Variants in LARGE1 observed in about 807,000 individuals in gnomAD.
LARGE1 encodes the protein xylosyl- and glucuronyltransferase LARGE1.
LARGE1 carries 43 observed loss-of-function variants against 87.6 expected under a neutral mutation model. That is an observed-to-expected ratio of 0.49 (90% CI 0.38 to 0.63). LARGE1 has a LOEUF of 0.63. Ranked by LOEUF, LARGE1 falls within the 30% of genes least tolerant of loss-of-function variation. LARGE1 has a pLI of 0.00. For missense variants in LARGE1, 802 were observed against 1,000.2 expected, an observed-to-expected ratio of 0.80 and a Z score of 2.67; for synonymous variants, 434 against 394.6, an observed-to-expected ratio of 1.10 and a Z score of -1.18.
intron 11 of LARGE1, among the ~76,000 whole-genome samples, chr22:33,174,843 G>C (rs1297770368): frequency 6.6e-6 from 1 of 152,098 alleles, no homozygotes; most frequent in Non-Finnish European, 1.5e-5. Context: ...AATTGGGGCC[G>C]TAATGAATAG....
intron 11 of LARGE1, among the ~76,000 whole-genome samples, chr22:33,254,720 G>A (rs1927171982): frequency 1.3e-5 from 2 of 152,162 alleles, no homozygotes; most frequent in Admixed American, 1.3e-4. Context: ...GAAATAATAT[G>A]TAAAGCACTT....
chr22:33,909,081 A>T (rs2146948751), intron 1 of LARGE1, among the ~76,000 whole-genome samples: 1 of 152,348 alleles, frequency 6.6e-6, no homozygotes, highest in East Asian at 1.9e-4. Context: ...AGAGGCCCCG[A>T]AAAGTGTATT....
intron 6 of LARGE1, among the ~76,000 whole-genome samples, chr22:33,473,952 T>C (rs1334121051): frequency 6.6e-6 from 1 of 152,166 alleles, no homozygotes; most frequent in Non-Finnish European, 1.5e-5. Flanking sequence ...TTTGAAGACA[T>C]TTCATATTCT....
intron 11 of LARGE1, among the ~76,000 whole-genome samples, chr22:33,218,702 T>C (rs1053779370): frequency 6.6e-6 from 1 of 152,210 alleles, no homozygotes; most frequent in Non-Finnish European, 1.5e-5. Flanking sequence ...ATCAACCTGA[T>C]GAGGTAGGCA....
At chr22:33,903,622 C>T (rs950375351) in intron 1 of LARGE1, among the ~76,000 whole-genome samples, 5 of 152,054 alleles carry the variant, frequency 3.3e-5, no homozygotes, top group East Asian at 3.9e-4. Context: ...GTCAAGAGAT[C>T]GAGACCAGCC....
chr22:33,856,930 C>CT (rs899664913), intron 1 of LARGE1: 34 of 150,608 alleles, frequency 2.3e-4, no homozygotes, highest in African/African-American at 6.6e-4. Flanking sequence ...GCTAAAATAA[C>CT]TTTTTTTTTT....
intron 7 of LARGE1, among the ~76,000 whole-genome samples, chr22:33,384,532 A>C (rs568788289): frequency 7.9e-6 from 1 of 126,396 alleles, no homozygotes; most frequent in East Asian, 1.9e-4. Context: ...CAAGCCTAGG[A>C]CCTGCCAGTT....
At chr22:33,495,846 G>A (rs2070089317) in intron 6 of LARGE1, among the ~76,000 whole-genome samples, 1 of 152,198 alleles carries the variant, frequency 6.6e-6, no homozygotes, top group South Asian at 2.1e-4. Context: ...TGTGGTCTGA[G>A]GGTCTGTGTT....
chr22:33,917,527 CAG>C (rs1230828501), intron 1 of LARGE1, among the ~76,000 whole-genome samples: 1 of 152,120 alleles, frequency 6.6e-6, no homozygotes, highest in Admixed American at 6.5e-5. Flanking sequence ...GAGTCCACTG[CAG>C]AGACATTTTG....
chr22:33,776,533 A>T (rs539229369), intron 1 of LARGE1, among the ~76,000 whole-genome samples: 2 of 152,244 alleles, frequency 1.3e-5, no homozygotes, highest in East Asian at 3.8e-4. Context: ...ATGTTAAATC[A>T]GCCCTTAATC....
chr22:33,265,756 T>C (rs1429739345), intron 11 of LARGE1, among the ~76,000 whole-genome samples: 1 of 152,170 alleles, frequency 6.6e-6, no homozygotes, highest in African/African-American at 2.4e-5. Flanking sequence ...TTCTGTAGTG[T>C]CTAGTGGTGA....
At chr22:33,639,092 A>G (rs1272350767) in intron 3 of LARGE1, among the ~76,000 whole-genome samples, 2 of 152,182 alleles carry the variant, frequency 1.3e-5, no homozygotes, top group East Asian at 3.9e-4. Flanking sequence ...CAGGTCATGA[A>G]AAGTGCTTCC....
At position 33,737,072 on chromosome 22, in the gene LARGE1, A is replaced by G. The variant is rs1357883385; in HGVS notation, c.106+24299T>C. Among the ~76,000 whole-genome samples the G allele has an allele frequency of 8.5e-5, 13 of 152,170 alleles. 1 individual carries two copies. Among genetic ancestry groups the G allele is most frequent in the Admixed American group, 8.5e-4 (13 of 15,282 alleles). ...AGAAGGGATCCTCCCCTCTCTTCAC[A>G]GAAGACTGTGGCACCCCCACGTAAA... On this transcript the variant is annotated intron_variant, in intron 2 of 14. Transcript: ENST00000397394.
At chr22:33,453,086 A>G (rs573463037) in intron 6 of LARGE1, among the ~76,000 whole-genome samples, 1 of 152,218 alleles carries the variant, frequency 6.6e-6, no homozygotes, top group Non-Finnish European at 1.5e-5. Flanking sequence ...TCATCTCTAC[A>G]GACAGGTTTG....
At chr22:33,835,260 T>C (rs2063079627) in intron 1 of LARGE1, among the ~76,000 whole-genome samples, 2 of 152,244 alleles carry the variant, frequency 1.3e-5, no homozygotes, top group Admixed American at 1.3e-4. Flanking sequence ...TTAAGTGTCC[T>C]GTCATTTACA....
At chr22:33,203,621 G>C (rs1428168523) in intron 11 of LARGE1, among the ~76,000 whole-genome samples, 1 of 152,132 alleles carries the variant, frequency 6.6e-6, no homozygotes, top group Non-Finnish European at 1.5e-5. Context: ...AAGCTAGGGA[G>C]GCAAGCAGAG....
At chr22:33,637,123 G>A (rs1024819634) in intron 3 of LARGE1, among the ~76,000 whole-genome samples, 1 of 151,988 alleles carries the variant, frequency 6.6e-6, no homozygotes, top group East Asian at 1.9e-4. Flanking sequence ...AATTCCCTCT[G>A]TTCCATCAAA....
intron 6 of LARGE1, among the ~76,000 whole-genome samples, chr22:33,443,790 T>C (rs895232505): frequency 3.3e-5 from 5 of 152,172 alleles, no homozygotes; most frequent in Admixed American, 6.5e-5. Context: ...CTTTGGTCTT[T>C]GGAAATGGGA....
At chr22:33,314,895 C>T (rs2146290197) in intron 11 of LARGE1, among the ~76,000 whole-genome samples, 1 of 152,262 alleles carries the variant, frequency 6.6e-6, no homozygotes, top group East Asian at 1.9e-4. Context: ...CACTTCTTGG[C>T]AGCCAGAGAT....
Sources: allele counts gnomAD v4.1 joint callset (sites outside exome capture counted in the v4.1 genomes callset), GRCh38; gene constraint gnomAD v4.1.1; transcripts MANE v1.5; gene names NCBI Gene and HGNC (gene_info 2026-07-23, HGNC 2026-07-21).